The following GLI3 variants were observed in gnomAD, a reference collection of about 807,000 sequenced individuals.
GLI3 encodes the protein GLI family zinc finger 3, also known as transcription activator GLI3.
GLI3 carries 20 observed loss-of-function variants against 100.8 expected under a neutral mutation model. The ratio of observed to expected loss-of-function variants is 0.20; its 90% CI spans 0.14 to 0.29. The LOEUF is 0.29. GLI3 is among the 10% of genes least tolerant of loss of function. The pLI is 1.00. For synonymous variants in GLI3, 938 were observed against 860.5 expected, an observed-to-expected ratio of 1.09 and a Z score of -1.58; for missense variants, 2,040 against 2,128.5, an observed-to-expected ratio of 0.96 and a Z score of 0.82.
rs538619047 is a variant in GLI3 at position 41,979,404 on chromosome 7, G to C, written c.1498-656C>G. The stretch of plus-strand genomic sequence containing the variant: ...CTTTCAGGGCCTTGGTTTTCTTCTT[G>C]TAGAAAATAAATGACTGGATTCACT... On this transcript the variant is annotated intron_variant, in intron 10 of 14. Transcript: ENST00000395925. Among the ~76,000 whole-genome samples, 7 of 152,300 alleles carry C rather than the reference G, an allele frequency of 4.6e-5. No homozygotes were observed. In the East Asian group the frequency reaches 1.2e-3, roughly 25 times the overall value.
chr7:42,174,335 AG>A (rs1371779967), intron 2 of GLI3, among the ~76,000 whole-genome samples: 1 of 152,224 alleles, frequency 6.6e-6, no homozygotes, highest in Non-Finnish European at 1.5e-5. Context: ...GAATTGACCC[AG>A]AAATTCTAAT....
intron 1 of GLI3, among the ~76,000 whole-genome samples, chr7:42,247,698 C>G (rs1342423823): frequency 6.6e-6 from 1 of 152,252 alleles, no homozygotes; most frequent in Non-Finnish European, 1.5e-5. Context: ...TGGGCAGAAG[C>G]TGCAGTACCC....
At chr7:42,147,007 TC>T (rs1786726737) in intron 3 of GLI3, among the ~76,000 whole-genome samples, 1 of 152,006 alleles carries the variant, frequency 6.6e-6, no homozygotes, top group Non-Finnish European at 1.5e-5. Context: ...CTTAGAAGAA[TC>T]CAGAAAACTA....
At chr7:42,199,025 T>G (rs1046998696) in intron 2 of GLI3, among the ~76,000 whole-genome samples, 1 of 151,688 alleles carries the variant, frequency 6.6e-6, no homozygotes, top group African/African-American at 2.4e-5. Flanking sequence ...ATTATGATGA[T>G]AGATAACAAA....
At chr7:42,042,013 C>CTTTTTT in intron 6 of GLI3, among the ~76,000 whole-genome samples, 1 of 116,358 alleles carries the variant, frequency 8.6e-6, no homozygotes, top group Non-Finnish European at 1.7e-5. Context: ...CAACGATTTC[C>CTTTTTT]TTTTTTTTTT....
Position 41,972,374 on chromosome 7 carries a change from C to G in GLI3, c.2066G>C (p.Cys689Ser). ...LSNTTSKREE[C>S]LQVKTVKAEK... ...TGCCTTGACGGTTTTCACCTGGAGG[C>G]ATTCTTCCCGCTTTGAGGTAGTGTT... Residue 689 changes from cysteine (C) to serine (S), a missense_variant, in exon 13 of 15, where the codon TGC becomes TCC. Cys to Ser is a moderately radical substitution (Grantham distance 112). Coordinates refer to ENST00000395925, the MANE Select transcript of GLI3 (RefSeq NM_000168.6). The surrounding 1 kb of genome is among the most constrained non-coding windows in gnomAD (Gnocchi z 4.4). 1 of 1,614,096 alleles carries G rather than the reference C, an allele frequency of 6.2e-7. No individual in the cohort carries two copies. Among genetic ancestry groups the G allele is most frequent in the Non-Finnish European group, 8.5e-7 (1 of 1,180,026 alleles).
intron 11 of GLI3, chr7:41,978,060 C>A (rs1377795084): frequency 5.0e-6 from 2 of 402,110 alleles, no homozygotes; most frequent in East Asian, 5.6e-5. Flanking sequence ...AGCTTTGTGT[C>A]CATACAAAGA....
intron 3 of GLI3, among the ~76,000 whole-genome samples, chr7:42,127,876 G>C (rs191412389): frequency 1.3e-5 from 2 of 152,140 alleles, no homozygotes; most frequent in African/African-American, 2.4e-5. Flanking sequence ...GCCAGGTGTG[G>C]TGGCACATGC....
At chr7:42,097,274 G>A (rs1223133244) in intron 3 of GLI3, among the ~76,000 whole-genome samples, 1 of 152,212 alleles carries the variant, frequency 6.6e-6, no homozygotes, top group Non-Finnish European at 1.5e-5. Flanking sequence ...ACATATGACA[G>A]CTCATTATCC....
At chr7:42,035,643 A>G (rs1328221060) in intron 7 of GLI3, among the ~76,000 whole-genome samples, 2 of 152,252 alleles carry the variant, frequency 1.3e-5, no homozygotes, top group African/African-American at 4.8e-5. Flanking sequence ...AAATGCGTAG[A>G]GTACTCATTT....
At chr7:42,114,503 G>T (rs1260800636) in intron 3 of GLI3, among the ~76,000 whole-genome samples, 1 of 152,090 alleles carries the variant, frequency 6.6e-6, no homozygotes, top group African/African-American at 2.4e-5. Context: ...GATTGAATTG[G>T]TTATTAGGGT....
At chr7:42,034,788 GC>G (rs1284858555) in intron 7 of GLI3, among the ~76,000 whole-genome samples, 1 of 151,972 alleles carries the variant, frequency 6.6e-6, no homozygotes. Context: ...ACCCTTACCA[GC>G]TCCTTTGCTC....
chr7:42,137,137 C>T (rs1445914757), intron 3 of GLI3, among the ~76,000 whole-genome samples: 2 of 152,150 alleles, frequency 1.3e-5, no homozygotes, highest in Non-Finnish European at 2.9e-5. Context: ...GATTTAGTGA[C>T]TTCAAGAGCA....
chr7:42,160,506 A>G (rs1787108009), intron 2 of GLI3, among the ~76,000 whole-genome samples: 1 of 152,140 alleles, frequency 6.6e-6, no homozygotes, highest in South Asian at 2.1e-4. Flanking sequence ...GTATGAAACA[A>G]AGTTTTGACA....
intron 4 of GLI3, among the ~76,000 whole-genome samples, chr7:42,050,795 A>G (rs560167295): frequency 6.6e-6 from 1 of 152,342 alleles, no homozygotes; most frequent in South Asian, 2.1e-4. Flanking sequence ...TTACCCAAAG[A>G]TTGAAACCTA....
chr7:42,008,089 G>A (rs985282423), intron 10 of GLI3, among the ~76,000 whole-genome samples: 2 of 152,104 alleles, frequency 1.3e-5, no homozygotes, highest in East Asian at 1.9e-4. Flanking sequence ...ACTCAGGTTC[G>A]AGTGGGACTA....
intron 2 of GLI3, among the ~76,000 whole-genome samples, chr7:42,163,437 T>G (rs942803553): frequency 1.3e-5 from 2 of 151,988 alleles, no homozygotes; most frequent in African/African-American, 4.8e-5. Context: ...CTTTTCTTTT[T>G]TTTTTTTTGA....
intron 3 of GLI3, among the ~76,000 whole-genome samples, chr7:42,077,218 A>T (rs1458692350): frequency 6.6e-6 from 1 of 152,204 alleles, no homozygotes. Flanking sequence ...AAACACACTT[A>T]TTTGAAAAAT....
At position 42,048,034 on chromosome 7, in the gene GLI3, G is replaced by A. The variant is rs117425150; in HGVS notation, c.679+457C>T. ...TTTGGGAAGCCCTCCTCTAACAGAC[G>A]CATCTGTATAAATGTGCTCAGACAC... is the stretch of plus-strand genomic sequence containing the variant. On this transcript the variant is annotated intron_variant, in intron 5 of 14. Coordinates refer to ENST00000395925, the MANE Select transcript of GLI3 (RefSeq NM_000168.6). Among the ~76,000 whole-genome samples the A allele has an allele frequency of 7.3e-3, 1,116 of 152,276 alleles. 4 individuals are homozygous for A. Among genetic ancestry groups the A allele is most frequent in the Non-Finnish European group, 0.011 (723 of 68,020 alleles).
Sources: allele counts gnomAD v4.1 joint callset (sites outside exome capture counted in the v4.1 genomes callset), GRCh38; gene constraint gnomAD v4.1.1; non-coding constraint Gnocchi (gnomAD v3.1); transcripts MANE v1.5; gene names NCBI Gene and HGNC (gene_info 2026-07-23, HGNC 2026-07-21).